The following PPFIA2 variants were observed in gnomAD, a reference collection of about 807,000 sequenced individuals.
PPFIA2 encodes PPFI scaffold protein A2.
PPFIA2 carries 46 observed loss-of-function variants against 175.5 expected under a neutral mutation model. The observed-to-expected ratio is 0.26, with a 90% CI of 0.21 to 0.34. The LOEUF is 0.34. Among genes scored for constraint, PPFIA2 ranks in the 10% least tolerant of loss-of-function variants. The pLI is 1.00. For synonymous variants in PPFIA2, 568 were observed against 511.4 expected, an observed-to-expected ratio of 1.11 and a Z score of -1.49; for missense variants, 1,179 against 1,506.1, an observed-to-expected ratio of 0.78 and a Z score of 3.60.
At chr12:81,445,814 A>G (rs2051142639) in intron 5 of PPFIA2, 94 bp from the exon 6 acceptor site, 6 of 1,221,428 alleles carry the variant, frequency 4.9e-6, no homozygotes, top group Non-Finnish European at 6.8e-6. Context: ...AGGCTTACAT[A>G]GTATCTAATG....
intron 4 of PPFIA2, among the ~76,000 whole-genome samples, chr12:81,509,530 C>G (rs566521224): frequency 3.9e-5 from 6 of 151,994 alleles, no homozygotes; most frequent in Admixed American, 2.6e-4. Flanking sequence ...TCTCTGTCTT[C>G]TTCACCCATA....
At chr12:81,690,885 G>A (rs1482982085) in intron 3 of PPFIA2, among the ~76,000 whole-genome samples, 4 of 152,022 alleles carry the variant, frequency 2.6e-5, no homozygotes, top group African/African-American at 7.2e-5. Context: ...TCTTCAAAGA[G>A]CATTATTTCA....
At chr12:81,290,536 C>T (rs1214894544) in intron 24 of PPFIA2, among the ~76,000 whole-genome samples, 8 of 151,582 alleles carry the variant, frequency 5.3e-5, no homozygotes, top group South Asian at 2.1e-4. Flanking sequence ...ACATATATTC[C>T]GTGAATACAG....
intron 26 of PPFIA2, among the ~76,000 whole-genome samples, chr12:81,282,376 G>A (rs2042265205): frequency 6.6e-6 from 1 of 151,950 alleles, no homozygotes; most frequent in African/African-American, 2.4e-5. Context: ...TTTAAATACA[G>A]GTCCTAATGT....
At chr12:81,309,225 G>GA (rs1385554326) in intron 22 of PPFIA2, among the ~76,000 whole-genome samples, 15 of 152,162 alleles carry the variant, frequency 9.9e-5, no homozygotes, top group African/African-American at 3.1e-4. Flanking sequence ...TATTATTCAG[G>GA]AATCCATACT....
Position 81,291,500 on chromosome 12 carries a change from T to A in PPFIA2, c.2925+3335A>T, listed in dbSNP as rs149415184. Among the ~76,000 whole-genome samples the A allele has an allele frequency of 6.4e-3, 976 of 152,076 alleles. 13 individuals are homozygous for A. Among genetic ancestry groups the A allele is most frequent in the African/African-American group, 0.022 (931 of 41,540 alleles). ...ACACGTTTCTTATACTTCAGCAGAG[T>A]ATATGAAATATGTGGGTAGAGTGAT... On this transcript the variant is annotated intron_variant, in intron 24 of 32. Coordinates refer to ENST00000549396, the MANE Select transcript of PPFIA2 (RefSeq NM_003625.5).
chr12:81,370,583 T>C (rs2034822234), intron 11 of PPFIA2, among the ~76,000 whole-genome samples: 1 of 151,868 alleles, frequency 6.6e-6, no homozygotes, highest in Admixed American at 6.6e-5. Flanking sequence ...TGTTCCTGCA[T>C]TGATTTGTTG....
chr12:81,699,988 C>A (rs1410469014), intron 3 of PPFIA2, among the ~76,000 whole-genome samples: 2 of 151,962 alleles, frequency 1.3e-5, no homozygotes, highest in Non-Finnish European at 2.9e-5. Flanking sequence ...ACTCTTCAAT[C>A]CTTGAAATTT....
chr12:81,492,123 CA>C (rs1293567742), intron 4 of PPFIA2, among the ~76,000 whole-genome samples: 1 of 151,736 alleles, frequency 6.6e-6, no homozygotes, highest in African/African-American at 2.4e-5. Flanking sequence ...ATAGCTTCAC[CA>C]TTTTTTTTTA....
intron 4 of PPFIA2, among the ~76,000 whole-genome samples, chr12:81,522,730 A>C (rs1412328957): frequency 1.3e-5 from 2 of 152,004 alleles, no homozygotes; most frequent in Non-Finnish European, 2.9e-5. Context: ...ATGACAAATA[A>C]CTCTTATCTA....
At chr12:81,263,882 C>A (rs2136166551) in intron 30 of PPFIA2, among the ~76,000 whole-genome samples, 1 of 152,234 alleles carries the variant, frequency 6.6e-6, no homozygotes, top group South Asian at 2.1e-4. Context: ...ATATGAGACA[C>A]TGTAGCCTAT....
At chr12:81,266,341 T>C (rs147982413) in intron 30 of PPFIA2, among the ~76,000 whole-genome samples, 3 of 152,314 alleles carry the variant, frequency 2.0e-5, no homozygotes, top group African/African-American at 7.2e-5. Context: ...TGATATCCCT[T>C]GTATTCATTC....
chr12:81,720,926 T>C (rs1199173482), intron 3 of PPFIA2, among the ~76,000 whole-genome samples: 4 of 151,262 alleles, frequency 2.6e-5, no homozygotes, highest in African/African-American at 7.3e-5. Flanking sequence ...ATATTCCATG[T>C]TCAAAAGCAT....
chr12:81,514,603 G>C (rs2062181747), intron 4 of PPFIA2, among the ~76,000 whole-genome samples: 1 of 151,808 alleles, frequency 6.6e-6, no homozygotes, highest in South Asian at 2.1e-4. Flanking sequence ...CACTTACTAA[G>C]GCTGAAATTA....
chr12:81,468,577 G>T (rs1005253014), intron 4 of PPFIA2, among the ~76,000 whole-genome samples: 1 of 152,108 alleles, frequency 6.6e-6, no homozygotes, highest in African/African-American at 2.4e-5. Context: ...AATAGCATTC[G>T]AGCTGAATAT....
chr12:81,306,609 C>T (rs1267882470), intron 22 of PPFIA2, among the ~76,000 whole-genome samples: 4 of 143,964 alleles, frequency 2.8e-5, no homozygotes, highest in East Asian at 2.1e-4. Flanking sequence ...GGCCTGATCT[C>T]GGCTCACTGC....
At chr12:81,431,200 G>A (rs1266490845) in intron 7 of PPFIA2, 1 of 152,144 alleles carries the variant, frequency 6.6e-6, no homozygotes, top group Non-Finnish European at 1.5e-5. Context: ...ATTTTTACAG[G>A]TGCTTCTGAA....
At chr12:81,653,539 A>C (rs1259160868) in intron 4 of PPFIA2, among the ~76,000 whole-genome samples, 1 of 152,038 alleles carries the variant, frequency 6.6e-6, no homozygotes, top group African/African-American at 2.4e-5. Context: ...TAGATTGTAG[A>C]GGTATCACTC....
At chr12:81,404,534 G>A (rs1485312929) in intron 8 of PPFIA2, among the ~76,000 whole-genome samples, 1 of 152,092 alleles carries the variant, frequency 6.6e-6, no homozygotes, top group African/African-American at 2.4e-5. Context: ...TTTAGTTGAA[G>A]GAAAGATAAA....
Sources: gnomAD v4.1 joint callset for allele counts (sites outside exome capture counted in the v4.1 genomes callset) on GRCh38, gnomAD v4.1.1 for gene constraint, MANE v1.5 for transcripts, NCBI Gene and HGNC (gene_info 2026-07-23, HGNC 2026-07-21) for gene names.